Variants in SOX5 observed in about 807,000 individuals in gnomAD.
The protein encoded by SOX5 is SRY-box transcription factor 5.
SOX5 carries 9 observed loss-of-function variants against 92.0 expected under a neutral mutation model. That is an observed-to-expected ratio of 0.10 (90% CI 0.06 to 0.17). The LOEUF is 0.17. Among genes scored for constraint, SOX5 ranks in the 10% least tolerant of loss-of-function variants. SOX5 has a pLI of 1.00. For missense variants in SOX5, 642 were observed against 944.5 expected (o/e 0.68, Z 4.20); for synonymous variants, 344 against 336.3 (o/e 1.02, Z -0.25).
At chr12:24,539,040 A>G (rs536989933) in intron 1 of SOX5, among the ~76,000 whole-genome samples, 1 of 152,318 alleles carries the variant, frequency 6.6e-6, no homozygotes, top group African/African-American at 2.4e-5. Flanking sequence ...TAAATTTACC[A>G]AAACACTAAA....
At chr12:24,293,559 C>T (rs893525539) in intron 2 of SOX5, among the ~76,000 whole-genome samples, 4 of 151,884 alleles carry the variant, frequency 2.6e-5, no homozygotes, top group Non-Finnish European at 5.9e-5. Flanking sequence ...AGAATATCAA[C>T]ATATTAAGGA....
At chr12:23,841,266 T>TAC (rs1486204991) in intron 3 of SOX5, among the ~76,000 whole-genome samples, 1 of 152,112 alleles carries the variant, frequency 6.6e-6, no homozygotes, top group Non-Finnish European at 1.5e-5. Flanking sequence ...GAGATACTAC[T>TAC]ACACACCTAT....
At chr12:24,314,635 A>G (rs970949710) in intron 2 of SOX5, among the ~76,000 whole-genome samples, 8 of 152,246 alleles carry the variant, frequency 5.3e-5, no homozygotes, top group Non-Finnish European at 1.5e-5. Context: ...AGTCAAGGAA[A>G]AAGTCCTTAC....
intron 11 of SOX5, among the ~76,000 whole-genome samples, chr12:23,555,080 G>T (rs1944915664): frequency 6.6e-6 from 1 of 152,072 alleles, no homozygotes; most frequent in Admixed American, 6.5e-5. Flanking sequence ...ATTCAGAAAT[G>T]TGGAAATACA....
intron 4 of SOX5, among the ~76,000 whole-genome samples, chr12:24,209,872 G>C (rs7963984): frequency 3.3e-5 from 5 of 150,500 alleles, no homozygotes; most frequent in Non-Finnish European, 7.4e-5. Flanking sequence ...CAAAAAATTA[G>C]CCGGGCGTAG....
chr12:24,259,410 T>G (rs1381817875), intron 3 of SOX5, among the ~76,000 whole-genome samples: 2 of 152,230 alleles, frequency 1.3e-5, no homozygotes, highest in African/African-American at 4.8e-5. Flanking sequence ...TTCAATGCAT[T>G]GTTTACTGAG....
At chr12:24,556,870 A>T (rs1054169951) in intron 1 of SOX5, among the ~76,000 whole-genome samples, 6 of 150,258 alleles carry the variant, frequency 4.0e-5, no homozygotes, top group Middle Eastern at 3.2e-3. Flanking sequence ...AGAAAGTGAT[A>T]CATTTTTTCT....
chr12:23,900,906 G>A (rs2097223511), intron 1 of SOX5, among the ~76,000 whole-genome samples: 1 of 152,104 alleles, frequency 6.6e-6, no homozygotes, highest in Admixed American at 6.6e-5. Flanking sequence ...GTTGCAGTGA[G>A]CTGAGATCGC....
intron 3 of SOX5, among the ~76,000 whole-genome samples, chr12:23,800,986 G>A (rs555583085): frequency 3.3e-5 from 5 of 152,182 alleles, no homozygotes; most frequent in African/African-American, 4.8e-5. Flanking sequence ...CAGTAGTAGC[G>A]CACTGGGCCA....
chr12:24,204,711 G>GT (rs1335968235), intron 4 of SOX5, among the ~76,000 whole-genome samples: 1 of 152,176 alleles, frequency 6.6e-6, no homozygotes, highest in Non-Finnish European at 1.5e-5. Context: ...GGTTCAGTGT[G>GT]TATGTAGATT....
At position 23,850,454 on chromosome 12, in the gene SOX5, A is replaced by AT. The variant is rs1374132057; in HGVS notation, c.271-4262_271-4261insA. Among the ~76,000 whole-genome samples the AT allele has an allele frequency of 9.3e-4, 94 of 101,566 alleles. 1 individual carries two copies. The highest frequency in any genetic ancestry group is 1.1e-3 in the Non-Finnish European group (53 of 49,004). The allele number at this position is 101,566 out of a possible 152,430, so 66.6% of individuals were successfully genotyped here. A position where few individuals can be genotyped will look rare whatever the true frequency, so the allele number is the denominator to read the frequency against. On this transcript the variant is annotated intron_variant, in intron 2 of 14. Coordinates refer to ENST00000451604, the MANE Select transcript of SOX5 (RefSeq NM_006940.6). Reference sequence around the variant, plus strand: ...AAAAAAAAAATAAATAAATAAATAAAAAAAAAATAAATAAAAAATAAAAAA... The same window carrying AT: ...AAAAAAAAAATAAATAAATAAATAAATAAAAAAATAAATAAAAAATAAAAAA...
At chr12:23,799,480 T>C (rs953376486) in intron 3 of SOX5, among the ~76,000 whole-genome samples, 2 of 152,076 alleles carry the variant, frequency 1.3e-5, no homozygotes, top group Non-Finnish European at 2.9e-5. Context: ...ACCCTACCCA[T>C]AGTGACTATA....
chr12:23,984,433 C>T (rs1434280599), intron 4 of SOX5, among the ~76,000 whole-genome samples: 3 of 152,140 alleles, frequency 2.0e-5, no homozygotes, highest in Admixed American at 6.6e-5. Context: ...CTCGGAAATC[C>T]ACCAAGGGGT....
intron 4 of SOX5, among the ~76,000 whole-genome samples, chr12:24,152,971 G>C (rs935337547): frequency 2.0e-5 from 3 of 152,040 alleles, no homozygotes; most frequent in African/African-American, 4.8e-5. Flanking sequence ...TGTTGAGCTC[G>C]AAGACTCTGA....
At chr12:24,006,926 G>T (rs1486560880) in intron 4 of SOX5, among the ~76,000 whole-genome samples, 1 of 151,434 alleles carries the variant, frequency 6.6e-6, no homozygotes, top group African/African-American at 2.4e-5. Flanking sequence ...CTGAGGTCAG[G>T]AATTCGAGAC....
At chr12:23,635,944 G>A (rs1387628777) in intron 8 of SOX5, among the ~76,000 whole-genome samples, 1 of 152,154 alleles carries the variant, frequency 6.6e-6, no homozygotes, top group East Asian at 1.9e-4. Flanking sequence ...GAGCTCTCAT[G>A]TTTCTGGGTT....
chr12:24,423,114 C>G (rs1966179422), intron 1 of SOX5, among the ~76,000 whole-genome samples: 1 of 152,190 alleles, frequency 6.6e-6, no homozygotes, highest in African/African-American at 2.4e-5. Context: ...CAGAAGAAAT[C>G]TGCACTCCTA....
intron 2 of SOX5, among the ~76,000 whole-genome samples, chr12:23,868,543 T>G (rs1037345719): frequency 1.3e-5 from 2 of 152,126 alleles, no homozygotes; most frequent in South Asian, 2.1e-4. Flanking sequence ...CTAAGTTATA[T>G]GTACAAGTAT....
rs945324304 is a variant in SOX5 at position 23,666,229 on chromosome 12, G to C, written c.811-665C>G. Among the ~76,000 whole-genome samples the C allele has an allele frequency of 4.6e-5, 7 of 151,706 alleles. No individual in the cohort carries two copies. In the East Asian group the frequency reaches 7.7e-4, roughly 17 times the overall value. ...TCTTGAATCCTGCTACAGATTCCCT[G>C]TACAACATTTTTGCCTGCATCTATC... is the stretch of plus-strand genomic sequence containing the variant. On this transcript the variant is annotated intron_variant, in intron 6 of 14. Transcript: ENST00000451604.
Sources: allele counts gnomAD v4.1 joint callset (sites outside exome capture counted in the v4.1 genomes callset), GRCh38; gene constraint gnomAD v4.1.1; transcripts MANE v1.5; gene names NCBI Gene and HGNC (gene_info 2026-07-23, HGNC 2026-07-21).